Variants in CACNA2D3 observed in about 807,000 individuals in gnomAD.
The protein encoded by CACNA2D3 is voltage-dependent calcium channel subunit alpha-2/delta-3.
CACNA2D3 carries 60 observed loss-of-function variants against 160.6 expected under a neutral mutation model. The ratio of observed to expected loss-of-function variants is 0.37; its 90% CI spans 0.30 to 0.46. The LOEUF (loss-of-function observed/expected upper bound fraction) is 0.46. Ranked by LOEUF, CACNA2D3 falls within the 20% of genes least tolerant of loss-of-function variation. The probability of loss-of-function intolerance (pLI) is 1.00; values close to 1 mark genes in which losing one functional copy is unlikely to be tolerated. For missense variants in CACNA2D3, 1,205 were observed against 1,365.0 expected, an observed-to-expected ratio of 0.88 and a Z score of 1.85; for synonymous variants, 558 against 492.9, an observed-to-expected ratio of 1.13 and a Z score of -1.75.
At chr3:54,212,081 A>C (rs1390420443) in intron 2 of CACNA2D3, among the ~76,000 whole-genome samples, 8 of 152,142 alleles carry the variant, frequency 5.3e-5, no homozygotes, top group African/African-American at 1.9e-4. Context: ...ATCCTGACCA[A>C]TAGTTACTAG....
intron 2 of CACNA2D3, among the ~76,000 whole-genome samples, chr3:54,233,524 T>C (rs1049628490): frequency 6.6e-6 from 1 of 152,218 alleles, no homozygotes; most frequent in Non-Finnish European, 1.5e-5. Flanking sequence ...CCTTTTTGGC[T>C]TCTGTGGCCT....
chr3:54,641,662 A>G (rs1030435304), intron 10 of CACNA2D3, among the ~76,000 whole-genome samples: 1 of 152,196 alleles, frequency 6.6e-6, no homozygotes, highest in Non-Finnish European at 1.5e-5. Context: ...AGGGCCTACT[A>G]TCTGCCTTTC....
chr3:54,439,967 T>G (rs570935427), intron 4 of CACNA2D3, among the ~76,000 whole-genome samples: 40 of 152,320 alleles, frequency 2.6e-4, no homozygotes, highest in Non-Finnish European at 4.6e-4. Context: ...CAAATCCAAG[T>G]GTCCTGCTTG....
chr3:54,127,429 A>G (rs1699615915), intron 2 of CACNA2D3, among the ~76,000 whole-genome samples: 1 of 152,180 alleles, frequency 6.6e-6, no homozygotes, highest in Non-Finnish European at 1.5e-5. Context: ...CCATTTTTAT[A>G]ATTATGACTT....
intron 4 of CACNA2D3, among the ~76,000 whole-genome samples, chr3:54,434,589 G>C (rs1374084923): frequency 6.6e-6 from 1 of 152,180 alleles, no homozygotes; most frequent in Non-Finnish European, 1.5e-5. Context: ...TGAGTCTTAG[G>C]TGCTGCCATC....
intron 35 of CACNA2D3, among the ~76,000 whole-genome samples, chr3:55,068,017 A>G (rs1704704277): frequency 6.6e-6 from 1 of 152,068 alleles, no homozygotes; most frequent in South Asian, 2.1e-4. Context: ...TCTCTCTCCC[A>G]TCTTCCCTTC....
At chr3:54,423,444 T>C (rs1401119346) in intron 4 of CACNA2D3, among the ~76,000 whole-genome samples, 3 of 152,136 alleles carry the variant, frequency 2.0e-5, no homozygotes, top group Admixed American at 2.0e-4. Context: ...TGTGCCTCCC[T>C]CTCCTTTGCA....
chr3:54,536,776 G>A (rs1041246384), intron 5 of CACNA2D3, among the ~76,000 whole-genome samples: 1 of 152,150 alleles, frequency 6.6e-6, no homozygotes, highest in Non-Finnish European at 1.5e-5. Context: ...TCTTTCCTCT[G>A]TCTCTTTCTC....
intron 11 of CACNA2D3, among the ~76,000 whole-genome samples, chr3:54,660,508 A>G (rs748817039): frequency 9.2e-5 from 14 of 152,226 alleles, no homozygotes; most frequent in Middle Eastern, 3.4e-3. Flanking sequence ...TACACCTCAT[A>G]AATGAAGCTC....
chr3:54,720,697 T>C (rs923320115), intron 11 of CACNA2D3, among the ~76,000 whole-genome samples: 11 of 152,268 alleles, frequency 7.2e-5, no homozygotes, highest in South Asian at 6.2e-4. Flanking sequence ...CACTATGATA[T>C]TGTATTTCTC....
At position 54,503,581 on chromosome 3, in the gene CACNA2D3, T is replaced by C. The variant is rs748530097; in HGVS notation, c.471T>C (p.Asn157=). The part of the protein sequence containing the change: ...ELGKEFILAP[N]DHFNNLPVNI... ...GAAAGGAATTCATCTTAGCCCCAAA[T>C]GACCATTTTAATAATTTGCCTGTGA... is the stretch of plus-strand genomic sequence containing the variant. Residue 157 remains asparagine, a synonymous_variant, in exon 5 of 38, where the codon AAT becomes AAC. Coordinates refer to ENST00000474759, the MANE Select transcript of CACNA2D3 (RefSeq NM_018398.3). 2 of 1,613,634 alleles carry C rather than the reference T, an allele frequency of 1.2e-6. No individual in the cohort carries two copies. Among genetic ancestry groups the C allele is most frequent in the Non-Finnish European group, 1.7e-6 (2 of 1,179,684 alleles).
intron 10 of CACNA2D3, among the ~76,000 whole-genome samples, chr3:54,641,042 GAAA>G (rs199499230): frequency 7.5e-6 from 1 of 132,760 alleles, no homozygotes; most frequent in Admixed American, 7.7e-5. Flanking sequence ...GGATCTATTG[GAAA>G]AAAAAAAAAA....
chr3:54,458,465 T>TTC (rs1368168625), intron 4 of CACNA2D3, among the ~76,000 whole-genome samples: 3,472 of 150,366 alleles, frequency 0.023, 125 homozygotes, highest in African/African-American at 0.08. Context: ...TTTTTTTTTT[T>TTC]CCCTTTTACT....
chr3:54,287,019 C>G (rs1703046936), intron 2 of CACNA2D3, among the ~76,000 whole-genome samples: 2 of 152,148 alleles, frequency 1.3e-5, no homozygotes, highest in Non-Finnish European at 2.9e-5. Flanking sequence ...ACTGCATCAA[C>G]TAAAGAGCAA....
intron 3 of CACNA2D3, among the ~76,000 whole-genome samples, chr3:54,338,916 A>G (rs983669217): frequency 6.6e-6 from 1 of 152,210 alleles, no homozygotes; most frequent in African/African-American, 2.4e-5. Context: ...CACAGCAGCT[A>G]TTAGCAGCAT....
At chr3:54,768,288 A>G (rs1702257746) in intron 13 of CACNA2D3, among the ~76,000 whole-genome samples, 1 of 152,200 alleles carries the variant, frequency 6.6e-6, no homozygotes, top group African/African-American at 2.4e-5. Context: ...TGAGAAGCAG[A>G]TGGACATTGT....
intron 4 of CACNA2D3, among the ~76,000 whole-genome samples, chr3:54,501,568 G>A (rs567436623): frequency 5.3e-5 from 8 of 151,248 alleles, no homozygotes; most frequent in African/African-American, 1.2e-4. Context: ...TGCTGCAACC[G>A]ACTAATTTGC....
chr3:54,375,772 G>A lies in CACNA2D3; in HGVS notation c.322-10943G>A, dbSNP rs550746456. Reference sequence around the variant, plus strand: ...ATGTGAGATTGCCAGAAAAAGAATGGGATCCAGGGCACTGAGTGCCAACTG... The same window carrying A: ...ATGTGAGATTGCCAGAAAAAGAATGAGATCCAGGGCACTGAGTGCCAACTG... On this transcript the variant is annotated intron_variant, in intron 3 of 37. Coordinates refer to ENST00000474759, the MANE Select transcript of CACNA2D3 (RefSeq NM_018398.3). 3.9e-5 allele frequency among the ~76,000 whole-genome samples: 6 copies of A among 152,174 alleles called. No individual in the cohort carries two copies. In the East Asian group the frequency reaches 1.2e-3, roughly 30 times the overall value.
chr3:54,649,078 G>A (rs1292677457), intron 11 of CACNA2D3, among the ~76,000 whole-genome samples: 1 of 152,202 alleles, frequency 6.6e-6, no homozygotes, highest in African/African-American at 2.4e-5. Context: ...GTGGAGGGCT[G>A]GGAGACTTGA....
Sources: allele counts gnomAD v4.1 joint callset (sites outside exome capture counted in the v4.1 genomes callset), GRCh38; gene constraint gnomAD v4.1.1; transcripts MANE v1.5; gene names NCBI Gene and HGNC (gene_info 2026-07-23, HGNC 2026-07-21).